Variants in NPIPB11 observed in about 807,000 individuals in gnomAD.
NPIPB11 encodes nuclear pore complex-interacting protein family member B11.
Under a neutral mutation model 32.8 loss-of-function variants are expected in NPIPB11, and 17 were observed. That is an observed-to-expected ratio of 0.52 (90% CI 0.35 to 0.78). NPIPB11 has a LOEUF of 0.78. NPIPB11 is among the 30% of genes least tolerant of loss of function. NPIPB11 has a pLI of 0.01. For missense variants in NPIPB11, 537 were observed against 1,000.4 expected (o/e 0.54, Z 6.25); for synonymous variants, 209 against 398.4 (o/e 0.52, Z 5.66).
intron 2 of NPIPB11, among the ~76,000 whole-genome samples, chr16:29,395,971 CTG>C (rs1490701810): frequency 1.3e-5 from 2 of 149,370 alleles, no homozygotes; most frequent in Non-Finnish European, 1.5e-5. Flanking sequence ...GAGCGAGACT[CTG>C]TCTCAAAAAA....
intron 2 of NPIPB11, 109 bp from the exon 3 acceptor site, chr16:29,394,185 T>C: frequency 2.5e-6 from 3 of 1,197,048 alleles, no homozygotes; most frequent in Non-Finnish European, 3.5e-6. Flanking sequence ...GGTAACCACA[T>C]CCCTCAGATA....
chr16:29,402,563 A>C (rs1596685098), intron 2 of NPIPB11, among the ~76,000 whole-genome samples: 1 of 46,396 alleles, frequency 2.2e-5, no homozygotes, highest in South Asian at 1.0e-3. Context: ...TTAGCTGGGC[A>C]TGATGGTGCA....
At chr16:29,405,742 T>G (rs1383756879), upstream of NPIPB11, among the ~76,000 whole-genome samples, 1 of 152,012 alleles carries the variant, frequency 6.6e-6, no homozygotes, top group Non-Finnish European at 1.5e-5. Context: ...ATGTTCTTGT[T>G]TCAAGTCCAA....
upstream of NPIPB11, among the ~76,000 whole-genome samples, chr16:29,405,150 A>T (rs959588934): frequency 6.6e-6 from 1 of 152,044 alleles, no homozygotes; most frequent in Non-Finnish European, 1.5e-5. Context: ...TGTCTGAAAC[A>T]TTAGTGCAAA....
chr16:29,394,272 TCAGGCACTGCAAATG>T (rs1449168206), intron 2 of NPIPB11, among the ~76,000 whole-genome samples, 196 bp from the exon 3 acceptor site: 2 of 152,108 alleles, frequency 1.3e-5, no homozygotes, highest in East Asian at 3.9e-4. Flanking sequence ...GGTAGTGTTT[TCAGGCACTGCAAATG>T]TGGGGTGTTG....
chr16:29,402,950 TGTG>T (rs1964032081), intron 2 of NPIPB11, among the ~76,000 whole-genome samples: 1 of 148,198 alleles, frequency 6.7e-6, no homozygotes. Flanking sequence ...ATAAATGTGA[TGTG>T]GTTAATTCTT....
rs532628459 is a variant in NPIPB11 at position 29,382,289 on chromosome 16, G to C, written c.2643C>G (p.Cys881Trp). The C allele has an allele frequency of 1.0e-4, 159 of 1,595,948 alleles. 1 individual carries two copies. The highest frequency in any genetic ancestry group is 1.3e-4 in the Non-Finnish European group (150 of 1,176,112). The change falls in exon 8 of 8, where the codon TGC (cysteine) becomes TGG (tryptophan). Residue 881 changes from cysteine (C) to tryptophan (W), a missense_variant. Cys to Trp is a radical substitution (Grantham distance 215). Coordinates refer to ENST00000524087, the Ensembl canonical transcript of NPIPB11. ...GAAGCGGAACCCACAGACGCTCCCC[G>C]CAGACGCTCGGCAGGTGTCTTGATA...
chr16:29,394,872 A>C (rs1467986905), intron 2 of NPIPB11, among the ~76,000 whole-genome samples: 1 of 149,400 alleles, frequency 6.7e-6, no homozygotes, highest in Admixed American at 6.7e-5. Context: ...CAGCCTCCTG[A>C]GTAGCTGGGA....
chr16:29,400,144 G>T (rs922165027), intron 2 of NPIPB11, among the ~76,000 whole-genome samples: 1 of 151,136 alleles, frequency 6.6e-6, no homozygotes, highest in Non-Finnish European at 1.5e-5. Context: ...CAAGTAAGTG[G>T]GGGTTGAAGT....
intron 2 of NPIPB11, among the ~76,000 whole-genome samples, chr16:29,400,955 G>A (rs1239628542): frequency 1.1e-4 from 17 of 151,802 alleles, no homozygotes; most frequent in East Asian, 3.9e-4. Flanking sequence ...CTCATGCTCC[G>A]GCAGGGTACA....
At chr16:29,391,443 C>G (rs1285394527) in intron 3 of NPIPB11, among the ~76,000 whole-genome samples, 3 of 146,014 alleles carry the variant, frequency 2.1e-5, no homozygotes, top group East Asian at 4.0e-4. Context: ...AACATTTCAC[C>G]CCCTGCTCCT....
intron 2 of NPIPB11, among the ~76,000 whole-genome samples, chr16:29,402,311 T>C (rs1964010003): frequency 1.7e-5 from 2 of 116,642 alleles, no homozygotes; most frequent in Admixed American, 1.9e-4. Flanking sequence ...AGTAAACTTA[T>C]TTGCATATGT....
chr16:29,401,192 C>A (rs28647979), intron 2 of NPIPB11, among the ~76,000 whole-genome samples: 7,388 of 152,174 alleles, frequency 0.049, 645 homozygotes, highest in African/African-American at 0.17. Flanking sequence ...TGAACCTGTG[C>A]AATCTGAAAG....
At chr16:29,382,172 G>T (rs1476579975) in exon 8 of NPIPB11, 7 of 524,234 alleles carry the variant, frequency 1.3e-5, no homozygotes, top group Non-Finnish European at 1.9e-5. Context: ...CAGGTGTCTT[G>T]ATATTATCAT....
intron 3 of NPIPB11, 134 bp from the exon 4 acceptor site, chr16:29,390,482 A>T (rs373191676): frequency 7.2e-7 from 1 of 1,396,768 alleles, no homozygotes; most frequent in East Asian, 2.3e-5. Context: ...GTGAAACCCC[A>T]TCTCTACTAA....
chr16:29,382,332 T>A, exon 8 of NPIPB11: 1 of 1,477,074 alleles, frequency 6.8e-7, no homozygotes, highest in Non-Finnish European at 9.0e-7. Context: ...CTGCTGAGGG[T>A]GGAGCTGAGG....
chr16:29,402,724 CTGTGTG>C (rs71214272), intron 2 of NPIPB11, among the ~76,000 whole-genome samples: 1,873 of 119,610 alleles, frequency 0.016, 51 homozygotes, highest in African/African-American at 0.055. Context: ...CTCTCTCTCT[CTGTGTG>C]TGTGTGTGTG....
At chr16:29,392,061 C>G (rs1963735882) in intron 3 of NPIPB11, among the ~76,000 whole-genome samples, 1 of 151,732 alleles carries the variant, frequency 6.6e-6, no homozygotes, top group South Asian at 2.1e-4. Context: ...TTGTTTTTTC[C>G]TGATTTCTGC....
chr16:29,399,855 C>G (rs4017099), intron 2 of NPIPB11, among the ~76,000 whole-genome samples: 165 of 151,628 alleles, frequency 1.1e-3, no homozygotes, highest in African/African-American at 3.4e-3. Context: ...GAGGCAGGCG[C>G]ATCACGAGGT....
Sources: gnomAD v4.1 joint callset for allele counts (sites outside exome capture counted in the v4.1 genomes callset) on GRCh38, gnomAD v4.1.1 for gene constraint, MANE v1.5 for transcripts, NCBI Gene and HGNC (gene_info 2026-07-23, HGNC 2026-07-21) for gene names.